Variants in SLC25A21 observed in about 807,000 individuals in gnomAD.
SLC25A21 encodes solute carrier family 25 member 21, also known as mitochondrial 2-oxodicarboxylate carrier.
In SLC25A21, 47 loss-of-function variants were observed where a neutral mutation model predicts 43.8. The observed-to-expected ratio is 1.07, with a 90% confidence interval of 0.85 to 1.37. The LOEUF (loss-of-function observed/expected upper bound fraction) is 1.37, where lower values mean the gene tolerates loss of function less well. Among genes scored for constraint, SLC25A21 ranks in the 40% most tolerant of loss-of-function variants. SLC25A21 has a pLI of 0.00. For synonymous variants in SLC25A21, 131 were observed against 121.3 expected (o/e 1.08, Z -0.52); for missense variants, 352 against 350.2 (o/e 1.00, Z -0.04).
At chr14:36,911,439 G>A (rs566966289) in intron 1 of SLC25A21, among the ~76,000 whole-genome samples, 5 of 152,270 alleles carry the variant, frequency 3.3e-5, no homozygotes, top group African/African-American at 4.8e-5. Context: ...GCCAACAATT[G>A]TATTCCTGCC....
intron 1 of SLC25A21, among the ~76,000 whole-genome samples, chr14:37,166,571 T>C (rs1242941905): frequency 6.6e-6 from 1 of 152,216 alleles, no homozygotes; most frequent in African/African-American, 2.4e-5. Context: ...TTAAAAGTGT[T>C]AACACATGTA....
At chr14:36,940,572 C>T (rs909626529) in intron 1 of SLC25A21, among the ~76,000 whole-genome samples, 1 of 152,032 alleles carries the variant, frequency 6.6e-6, no homozygotes, top group Non-Finnish European at 1.5e-5. Context: ...ATAGCCTGGT[C>T]ATTTTTTTCT....
At chr14:37,050,937 A>G (rs979826913) in intron 1 of SLC25A21, among the ~76,000 whole-genome samples, 2 of 152,212 alleles carry the variant, frequency 1.3e-5, no homozygotes, top group African/African-American at 4.8e-5. Flanking sequence ...ATTTCAGACA[A>G]TAGCACAGAA....
chr14:36,774,577 A>AC, intron 3 of SLC25A21, among the ~76,000 whole-genome samples: 1 of 151,588 alleles, frequency 6.6e-6, no homozygotes, highest in East Asian at 1.9e-4. Flanking sequence ...TATTTTAGAG[A>AC]CTTTTTTTTT....
intron 1 of SLC25A21, among the ~76,000 whole-genome samples, chr14:37,057,524 TC>T (rs1961857310): frequency 6.6e-6 from 1 of 152,184 alleles, no homozygotes; most frequent in Non-Finnish European, 1.5e-5. Flanking sequence ...TGTGAAATTC[TC>T]CCAGTTAAAT....
At chr14:36,867,674 A>G (rs1890249840) in intron 2 of SLC25A21, among the ~76,000 whole-genome samples, 1 of 152,018 alleles carries the variant, frequency 6.6e-6, no homozygotes, top group Non-Finnish European at 1.5e-5. Flanking sequence ...CTGCATAGTA[A>G]ACACTTCCCC....
At chr14:36,880,789 G>A (rs900931165) in intron 1 of SLC25A21, among the ~76,000 whole-genome samples, 2 of 152,164 alleles carry the variant, frequency 1.3e-5, no homozygotes, top group African/African-American at 2.4e-5. Flanking sequence ...GAATACAGAA[G>A]TATGATATTG....
At chr14:36,982,502 G>A (rs1036605031) in intron 1 of SLC25A21, among the ~76,000 whole-genome samples, 1 of 152,074 alleles carries the variant, frequency 6.6e-6, no homozygotes, top group Non-Finnish European at 1.5e-5. Flanking sequence ...ACCATGAAAG[G>A]TTTTAGTATT....
intron 1 of SLC25A21, among the ~76,000 whole-genome samples, chr14:36,936,885 T>C (rs963091400): frequency 2.6e-5 from 4 of 152,134 alleles, no homozygotes; most frequent in African/African-American, 9.7e-5. Context: ...CAATGCACAA[T>C]GCTGTCCCTT....
intron 1 of SLC25A21, among the ~76,000 whole-genome samples, chr14:37,087,633 A>T (rs1962510007): frequency 6.6e-6 from 1 of 152,038 alleles, no homozygotes; most frequent in South Asian, 2.1e-4. Context: ...AGATATTGGG[A>T]TGATGTGACG....
At chr14:37,131,199 CCTAA>C (rs1394704938) in intron 1 of SLC25A21, among the ~76,000 whole-genome samples, 1 of 152,134 alleles carries the variant, frequency 6.6e-6, no homozygotes, top group Non-Finnish European at 1.5e-5. Context: ...TGCCGGACTC[CCTAA>C]CTGAGATTCA....
At chr14:36,687,069 A>G (rs1056425117) in intron 7 of SLC25A21, among the ~76,000 whole-genome samples, 1 of 152,150 alleles carries the variant, frequency 6.6e-6, no homozygotes, top group African/African-American at 2.4e-5. Flanking sequence ...TTCCTGCCTC[A>G]GCCTCCTGAG....
At chr14:36,841,149 A>T (rs1889372673) in intron 2 of SLC25A21, among the ~76,000 whole-genome samples, 3 of 152,218 alleles carry the variant, frequency 2.0e-5, no homozygotes, top group African/African-American at 7.2e-5. Flanking sequence ...TGTCGATTAC[A>T]TGTAGTGTGT....
At position 36,889,109 on chromosome 14, in the gene SLC25A21, T is replaced by A. The variant is rs184384392; in HGVS notation, c.71-14105A>T. Among the ~76,000 whole-genome samples, 82 of 152,316 alleles carry A rather than the reference T, an allele frequency of 5.4e-4. No individual in the cohort carries two copies. The East Asian group carries it at 6.8e-3, about 13-fold the overall frequency. ...CTCTTTGCTATGCTCCCATGAATTCTGACTTACTGAGCCAAGTATTCCAGG... is the reference window on the plus strand; with the variant it reads ...CTCTTTGCTATGCTCCCATGAATTCAGACTTACTGAGCCAAGTATTCCAGG... On this transcript the variant is annotated intron_variant, in intron 1 of 9. Coordinates refer to ENST00000331299, the MANE Select transcript of SLC25A21 (RefSeq NM_030631.4).
intron 1 of SLC25A21, among the ~76,000 whole-genome samples, chr14:37,022,560 C>T (rs1233737797): frequency 1.3e-5 from 2 of 152,006 alleles, no homozygotes; most frequent in South Asian, 4.1e-4. Flanking sequence ...TCCCAATCAT[C>T]ATCCTAGTAT....
chr14:36,798,613 A>G (rs1278609256), intron 3 of SLC25A21, among the ~76,000 whole-genome samples: 1 of 151,764 alleles, frequency 6.6e-6, no homozygotes, highest in Non-Finnish European at 1.5e-5. Context: ...ACACATGGGC[A>G]GTCACTAAAT....
intron 2 of SLC25A21, among the ~76,000 whole-genome samples, chr14:36,824,283 G>A (rs1888740080): frequency 6.6e-6 from 1 of 152,054 alleles, no homozygotes; most frequent in African/African-American, 2.4e-5. Flanking sequence ...ACTAAGCTTG[G>A]CTAATAAGGA....
chr14:37,067,193 G>A (rs935812943), intron 1 of SLC25A21, among the ~76,000 whole-genome samples: 4 of 151,988 alleles, frequency 2.6e-5, no homozygotes, highest in Non-Finnish European at 4.4e-5. Context: ...TATAACAATC[G>A]CAAATTTATG....
rs532783876 is a variant in SLC25A21 at position 36,857,293 on chromosome 14, C to T, written c.119+17663G>A. On this transcript the variant is annotated intron_variant, in intron 2 of 9. Transcript: ENST00000331299. ...ACTTCCTAAACACCAAGGGAGCTGGCGAGCAACCCTCCGATGCAAACACCT... is the reference window on the plus strand; with the variant it reads ...ACTTCCTAAACACCAAGGGAGCTGGTGAGCAACCCTCCGATGCAAACACCT... Among the ~76,000 whole-genome samples, 14 of 152,254 alleles carry T rather than the reference C, an allele frequency of 9.2e-5. No individual in the cohort carries two copies. In the South Asian group the frequency reaches 1.5e-3, roughly 16 times the overall value.
Sources: allele counts gnomAD v4.1 joint callset (sites outside exome capture counted in the v4.1 genomes callset), GRCh38; gene constraint gnomAD v4.1.1; transcripts MANE v1.5; gene names NCBI Gene and HGNC (gene_info 2026-07-23, HGNC 2026-07-21).